The following RIC3 variants were observed in gnomAD, a reference collection of about 807,000 sequenced individuals.
The protein encoded by RIC3 is RIC3 acetylcholine receptor chaperone.
Under a neutral mutation model 27.3 loss-of-function variants are expected in RIC3, and 28 were observed. The observed-to-expected ratio is 1.02, with a 90% CI of 0.76 to 1.41. The LOEUF (loss-of-function observed/expected upper bound fraction) is 1.41, where lower values mean the gene tolerates loss of function less well. Ranked by LOEUF, RIC3 falls within the 40% of genes most tolerant of loss-of-function variation. The probability of loss-of-function intolerance (pLI) is 0.00; values close to 1 mark genes in which losing one functional copy is unlikely to be tolerated. For synonymous variants in RIC3, 184 were observed against 160.4 expected, an observed-to-expected ratio of 1.15 and a Z score of -1.11; for missense variants, 501 against 444.7, an observed-to-expected ratio of 1.13 and a Z score of -1.14.
At position 8,168,261 on chromosome 11, in the gene RIC3, G is replaced by C. The variant is rs1409717283; in HGVS notation, c.124+605C>G. 2.0e-5 allele frequency among the ~76,000 whole-genome samples: 3 copies of C among 152,086 alleles called. No homozygotes were observed. In the East Asian group the frequency reaches 5.8e-4, roughly 29 times the overall value. On this transcript the variant is annotated intron_variant, in intron 1 of 5. Coordinates refer to ENST00000309737, the MANE Select transcript of RIC3 (RefSeq NM_001206671.4). ...TCATGCCAACAACGAAGAATTAACA[G>C]ATAAATACTGTTTCAATAAGGGGAA...
chr11:8,097,494 G>C, the RIC3 span: 1 of 1,600,462 alleles, frequency 6.2e-7, no homozygotes, highest in Non-Finnish European at 8.6e-7. Context: ...GCTGAAATGT[G>C]ACTGGAAGTC....
At chr11:8,101,320 C>T (rs1944291693), downstream of RIC3, among the ~76,000 whole-genome samples, 1 of 152,210 alleles carries the variant, frequency 6.6e-6, no homozygotes, top group African/African-American at 2.4e-5. Context: ...CTCTTTCCTG[C>T]CACTTCTCCC....
chr11:8,127,356 A>G (rs932598953), intron 4 of RIC3, among the ~76,000 whole-genome samples: 4 of 152,210 alleles, frequency 2.6e-5, no homozygotes. Context: ...CATCTAGACT[A>G]GAGAAATTGA....
At chr11:8,094,580 A>G in the RIC3 span, among the ~76,000 whole-genome samples, 1 of 152,142 alleles carries the variant, frequency 6.6e-6, no homozygotes, top group African/African-American at 2.4e-5. Flanking sequence ...CCCCATCCTT[A>G]TGCAGCCCTC....
intron 1 of RIC3, among the ~76,000 whole-genome samples, chr11:8,144,184 C>G (rs1022197561): frequency 2.6e-5 from 4 of 151,810 alleles, no homozygotes; most frequent in Non-Finnish European, 5.9e-5. Context: ...CAAATGGGAT[C>G]TAATGAAACT....
At chr11:8,100,730 G>C in the RIC3 span, 3 of 1,570,132 alleles carry the variant, frequency 1.9e-6, no homozygotes, top group Non-Finnish European at 2.6e-6. Flanking sequence ...GAGGTCTAGG[G>C]AAATCCAAGG....
chr11:8,141,469 A>T (rs1311138386), intron 1 of RIC3, among the ~76,000 whole-genome samples: 1 of 152,216 alleles, frequency 6.6e-6, no homozygotes, highest in Non-Finnish European at 1.5e-5. Context: ...ATTCAACAAG[A>T]GGAGCTAACT....
At position 8,152,190 on chromosome 11, in the gene RIC3, G is replaced by C. The variant is rs191597821; in HGVS notation, c.125-11997C>G. 3.7e-3 allele frequency among the ~76,000 whole-genome samples: 570 copies of C among 152,270 alleles called. 5 individuals carry two copies. Among genetic ancestry groups the C allele is most frequent in the Non-Finnish European group, 5.1e-3 (344 of 68,040 alleles). Reference sequence around the variant, plus strand: ...AGCTGCTTTGGAAAACAGTCTGGCAGTTTCTCAAAAGGTTAAACATAGAGG... The same window carrying C: ...AGCTGCTTTGGAAAACAGTCTGGCACTTTCTCAAAAGGTTAAACATAGAGG... On this transcript the variant is annotated intron_variant, in intron 1 of 5. Transcript: ENST00000309737.
the RIC3 span, among the ~76,000 whole-genome samples, chr11:8,094,792 C>T: frequency 5.9e-5 from 9 of 152,206 alleles, no homozygotes; most frequent in Admixed American, 3.3e-4. Context: ...CTTTTGTTCA[C>T]GGACAGTGGT....
At chr11:8,100,973 T>C in the RIC3 span, 1 of 1,614,174 alleles carries the variant, frequency 6.2e-7, no homozygotes, top group East Asian at 2.2e-5. Flanking sequence ...CGTGAAGAAC[T>C]TCCAGATCAT....
chr11:8,130,950 A>G (rs1947614048), intron 4 of RIC3, among the ~76,000 whole-genome samples: 1 of 152,192 alleles, frequency 6.6e-6, no homozygotes, highest in Non-Finnish European at 1.5e-5. Flanking sequence ...AGCTACGTTA[A>G]AGATTCTGTG....
At chr11:8,140,694 T>A (rs530583509) in intron 1 of RIC3, among the ~76,000 whole-genome samples, 26 of 152,102 alleles carry the variant, frequency 1.7e-4, no homozygotes, top group Non-Finnish European at 3.8e-4. Flanking sequence ...TAACTTAGAG[T>A]CATCTGGACC....
chr11:8,130,424 C>A (rs1947550691), intron 4 of RIC3, among the ~76,000 whole-genome samples: 1 of 152,190 alleles, frequency 6.6e-6, no homozygotes, highest in Non-Finnish European at 1.5e-5. Flanking sequence ...ACCACCCTTC[C>A]TGAAACCTGC....
the RIC3 span, chr11:8,100,494 C>T: frequency 2.5e-6 from 4 of 1,613,278 alleles, no homozygotes; most frequent in African/African-American, 4.0e-5. Flanking sequence ...GTTGCGTTCT[C>T]TTTCCCAGGA....
chr11:8,129,384 T>G (rs1406067958), intron 4 of RIC3, among the ~76,000 whole-genome samples: 3 of 152,136 alleles, frequency 2.0e-5, no homozygotes, highest in African/African-American at 7.2e-5. Context: ...GATGTCCTAA[T>G]GCTACTATTA....
chr11:8,101,062 A>C (rs1944276301), downstream of RIC3: 2 of 1,561,938 alleles, frequency 1.3e-6, no homozygotes, highest in African/African-American at 2.7e-5. Context: ...CGTAGGGTTC[A>C]GCCCACCTAG....
chr11:8,126,219 GACAA>G (rs751592099), intron 5 of RIC3, among the ~76,000 whole-genome samples: 39 of 152,222 alleles, frequency 2.6e-4, no homozygotes, highest in African/African-American at 4.6e-4. Context: ...CTGGTGAATG[GACAA>G]ACAAATTATG....
chr11:8,140,139 C>G lies in RIC3; in HGVS notation c.179G>C (p.Gly60Ala). The change falls in exon 2 of 6, where the codon GGC becomes GCC. Residue 60 changes from glycine to alanine, a missense_variant. Transcript: ENST00000309737. ...CTGGAAACGAGCCCCAGGAGTCTGG[C>G]CATCTGAGGGTGCCTGGTGATGATG... ...MMHHHQAPSD[G>A]QTPGARFQRS... The G allele has an allele frequency of 4.3e-6, 7 of 1,614,044 alleles. No individual in the cohort carries two copies. Among genetic ancestry groups the G allele is most frequent in the Non-Finnish European group, 5.9e-6 (7 of 1,180,012 alleles).
In RIC3 at chr11:8,140,035, G is replaced by T; in HGVS notation, c.283C>A (p.Leu95Met). The T allele has an allele frequency of 1.9e-6, 3 of 1,613,968 alleles. No individual in the cohort carries two copies. In the East Asian group the frequency reaches 6.7e-5, roughly 36 times the overall value. Reference protein sequence around the residue: ...GAGGGGSGRGLMGQIIPIYGF... With the variant: ...GAGGGGSGRGMMGQIIPIYGF... ...TAGATTGGAATAATCTGCCCCATCAGACCTCTTCCACTACCTCCTCCTCCA... is the reference window on the plus strand; with the variant it reads ...TAGATTGGAATAATCTGCCCCATCATACCTCTTCCACTACCTCCTCCTCCA... Residue 95 changes from leucine (L) to methionine (M), a missense_variant, in exon 2 of 6, where the codon CTG becomes ATG. By Grantham distance (15) the Leu-to-Met change is conservative. Transcript: ENST00000309737.
Sources: allele counts gnomAD v4.1 joint callset (sites outside exome capture counted in the v4.1 genomes callset), GRCh38; gene constraint gnomAD v4.1.1; transcripts MANE v1.5; gene names NCBI Gene and HGNC (gene_info 2026-07-23, HGNC 2026-07-21).